Variants in NETO1 observed in about 807,000 individuals in gnomAD.
NETO1 encodes neuropilin and tolloid like 1.
Under a neutral mutation model 61.3 loss-of-function variants are expected in NETO1, and 26 were observed. The observed-to-expected ratio is 0.42, with a 90% CI of 0.31 to 0.59. The LOEUF (loss-of-function observed/expected upper bound fraction) is 0.59. NETO1 is among the 20% of genes least tolerant of loss of function. The pLI, the probability that NETO1 is intolerant of heterozygous loss-of-function variation, is 0.12. For missense variants in NETO1, 531 were observed against 662.8 expected (o/e 0.80, Z 2.18); for synonymous variants, 225 against 225.8 (o/e 1.00, Z 0.03).
chr18:72,793,487 T>C (rs2072204621), intron 6 of NETO1, among the ~76,000 whole-genome samples: 1 of 152,040 alleles, frequency 6.6e-6, no homozygotes, highest in African/African-American at 2.4e-5. Flanking sequence ...TATTGCCAAC[T>C]CTCAAAAGTC....
chr18:72,854,009 T>C (rs529347485), intron 4 of NETO1, among the ~76,000 whole-genome samples: 2 of 152,158 alleles, frequency 1.3e-5, no homozygotes, highest in African/African-American at 2.4e-5. Context: ...ATATTTGAAA[T>C]AACATTGAAT....
At chr18:72,763,093 T>G (rs1222149478) in intron 7 of NETO1, among the ~76,000 whole-genome samples, 6 of 152,130 alleles carry the variant, frequency 3.9e-5, no homozygotes, top group Admixed American at 6.5e-5. Context: ...TAATAGCTAC[T>G]TTAATGCAGA....
At chr18:72,793,841 T>C (rs1200783909) in intron 6 of NETO1, among the ~76,000 whole-genome samples, 2 of 152,202 alleles carry the variant, frequency 1.3e-5, no homozygotes, top group Non-Finnish European at 2.9e-5. Context: ...TGCATACCAT[T>C]TCAATCCATG....
chr18:72,837,355 G>T (rs1297867482), intron 4 of NETO1, among the ~76,000 whole-genome samples: 1 of 152,100 alleles, frequency 6.6e-6, no homozygotes, highest in African/African-American at 2.4e-5. Context: ...AATGCCAAGT[G>T]GTCTGGATAT....
intron 5 of NETO1, 48 bp from the exon 6 acceptor site, chr18:72,794,292 A>G: frequency 6.2e-7 from 1 of 1,613,980 alleles, no homozygotes; most frequent in Non-Finnish European, 8.5e-7. Context: ...AGCTTGAATA[A>G]TAAACCAAAA....
intron 6 of NETO1, among the ~76,000 whole-genome samples, chr18:72,789,327 A>G (rs925729655): frequency 3.3e-5 from 5 of 152,168 alleles, no homozygotes; most frequent in Non-Finnish European, 7.4e-5. Flanking sequence ...AAATATTTAA[A>G]GTCCACCTGA....
intron 4 of NETO1, among the ~76,000 whole-genome samples, chr18:72,856,995 C>T (rs931527379): frequency 6.6e-5 from 10 of 152,240 alleles, no homozygotes; most frequent in Admixed American, 2.6e-4. Flanking sequence ...TAATTGGCTT[C>T]CTTAATACTG....
intron 4 of NETO1, among the ~76,000 whole-genome samples, chr18:72,810,308 G>A (rs1275578042): frequency 1.3e-5 from 2 of 152,116 alleles, no homozygotes; most frequent in Non-Finnish European, 2.9e-5. Context: ...GACTCTACTC[G>A]AAAATGGAAG....
At chr18:72,758,385 T>TTGTGTATG (rs374378850) in intron 7 of NETO1, among the ~76,000 whole-genome samples, 2 of 142,836 alleles carry the variant, frequency 1.4e-5, no homozygotes, top group African/African-American at 5.2e-5. Flanking sequence ...TTTTTTTTCT[T>TTGTGTATG]TGTGTGTGTG....
At chr18:72,851,899 C>A (rs1455428793) in intron 4 of NETO1, among the ~76,000 whole-genome samples, 1 of 152,138 alleles carries the variant, frequency 6.6e-6, no homozygotes, top group Non-Finnish European at 1.5e-5. Context: ...AACTGATACA[C>A]AAGTAGTAAT....
At chr18:72,835,086 C>A (rs1201892551) in intron 4 of NETO1, 1 of 1,107,218 alleles carries the variant, frequency 9.0e-7, no homozygotes, top group Non-Finnish European at 1.1e-6. Flanking sequence ...ATCTGGGTTT[C>A]AAGGTAGGAG....
At chr18:72,821,783 C>T (rs7232909) in intron 4 of NETO1, among the ~76,000 whole-genome samples, 68,066 of 151,740 alleles carry the variant, frequency 0.45, 16,216 homozygotes, top group African/African-American at 0.59. Context: ...GTGGCAAAGT[C>T]AGAGTATGAA....
At chr18:72,793,293 C>T (rs925531728) in intron 6 of NETO1, among the ~76,000 whole-genome samples, 3 of 151,974 alleles carry the variant, frequency 2.0e-5, no homozygotes, top group Admixed American at 2.0e-4. Context: ...GGAGAATGAA[C>T]AAATAACATC....
chr18:72,816,858 C>G (rs2073047198), intron 4 of NETO1, among the ~76,000 whole-genome samples: 1 of 152,116 alleles, frequency 6.6e-6, no homozygotes, highest in Non-Finnish European at 1.5e-5. Flanking sequence ...TTGGCTGCTG[C>G]CAAGGAGTCC....
chr18:72,852,140 TA>T (rs1473912452), intron 4 of NETO1, among the ~76,000 whole-genome samples: 1 of 152,200 alleles, frequency 6.6e-6, no homozygotes, highest in East Asian at 1.9e-4. Flanking sequence ...TAAACACACT[TA>T]AGTACTCTTC....
chr18:72,858,464 T>C (rs2074470098), intron 4 of NETO1, among the ~76,000 whole-genome samples: 2 of 152,184 alleles, frequency 1.3e-5, no homozygotes, highest in Non-Finnish European at 2.9e-5. Context: ...TTTTGGTGGA[T>C]ATATTTTATA....
At chr18:72,839,631 T>C (rs773971922) in intron 4 of NETO1, among the ~76,000 whole-genome samples, 21 of 151,806 alleles carry the variant, frequency 1.4e-4, no homozygotes, top group South Asian at 6.2e-4. Flanking sequence ...CTCATTTGCC[T>C]CTAAAATGCC....
At chr18:72,797,997 C>T (rs2145300839) in intron 4 of NETO1, among the ~76,000 whole-genome samples, 1 of 152,308 alleles carries the variant, frequency 6.6e-6, no homozygotes, top group East Asian at 1.9e-4. Flanking sequence ...TTTTACCTCC[C>T]TCATGTTATT....
rs2070447063 is a variant in NETO1, at chr18:72,747,056, G to C, written c.*1123C>G. 1 of 151,808 alleles carries C rather than the reference G, an allele frequency of 6.6e-6. No individual in the cohort carries two copies. Among genetic ancestry groups the C allele is most frequent in the Non-Finnish European group, 1.5e-5 (1 of 67,836 alleles). 9.4% of individuals were successfully genotyped at this position (151,808 alleles called of 1,614,324 possible). On this transcript the variant is annotated 3_prime_UTR_variant, in exon 11 of 11. Coordinates refer to ENST00000327305, the MANE Select transcript of NETO1 (RefSeq NM_138966.5). ...AAAAGAGTTCCCTATTCTAAAAGAA[G>C]AAAATATTCCCCTAAACTTTTAGAA... is the stretch of plus-strand genomic sequence containing the variant.
Sources: allele counts gnomAD v4.1 joint callset (sites outside exome capture counted in the v4.1 genomes callset), GRCh38; gene constraint gnomAD v4.1.1; transcripts MANE v1.5; gene names NCBI Gene and HGNC (gene_info 2026-07-23, HGNC 2026-07-21).